MID1: variants seen among roughly 807,000 people sequenced by gnomAD.
MID1 encodes the protein midline 1.
MID1 carries 7 observed loss-of-function variants against 40.4 expected under a neutral mutation model. The ratio of observed to expected loss-of-function variants is 0.17; its 90% CI spans 0.10 to 0.33. The LOEUF is 0.33. Ranked by LOEUF, MID1 falls within the 10% of genes least tolerant of loss-of-function variation. The probability of loss-of-function intolerance (pLI) is 1.00; values close to 1 mark genes in which losing one functional copy is unlikely to be tolerated. For synonymous variants in MID1, 229 were observed against 221.2 expected, an observed-to-expected ratio of 1.04 and a Z score of -0.31; for missense variants, 367 against 558.5, an observed-to-expected ratio of 0.66 and a Z score of 3.46.
intron 1 of MID1, among the ~76,000 whole-genome samples, chrX:10,810,678 C>G (rs1184150464): frequency 9.9e-6 from 1 of 101,336 alleles, no homozygotes; most frequent in Non-Finnish European, 2.0e-5. Context: ...ATGTCCTCAC[C>G]AACGCTTGTT....
At chrX:10,471,524 G>T (rs1181715887) in intron 6 of MID1, among the ~76,000 whole-genome samples, 3 of 112,139 alleles carry the variant, frequency 2.7e-5, no homozygotes, top group Non-Finnish European at 3.8e-5. Flanking sequence ...ATTCTTTCTG[G>T]AATATGTATT....
chrX:10,715,103 C>G (rs995088336), intron 1 of MID1, among the ~76,000 whole-genome samples: 4 of 112,033 alleles, frequency 3.6e-5, no homozygotes, highest in Non-Finnish European at 5.6e-5. Flanking sequence ...CTCCAGTCTA[C>G]AGCTCCCAGC....
At chrX:10,622,327 T>C (rs1243974521), upstream of MID1, among the ~76,000 whole-genome samples, 2 of 111,419 alleles carry the variant, frequency 1.8e-5, no homozygotes, top group Non-Finnish European at 3.8e-5. Context: ...CAGTAGAAGC[T>C]ACAACTGCGT....
At chrX:10,648,229 G>A (rs955617383) in intron 1 of MID1, among the ~76,000 whole-genome samples, 1 of 112,018 alleles carries the variant, frequency 8.9e-6, no homozygotes, top group Non-Finnish European at 1.9e-5. Flanking sequence ...GAGGATGGCA[G>A]AGTGGAAAAC....
At chrX:10,698,766 C>T (rs2043177281) in intron 1 of MID1, among the ~76,000 whole-genome samples, 1 of 109,772 alleles carries the variant, frequency 9.1e-6, no homozygotes, top group Admixed American at 9.7e-5. Context: ...TTTCCTCCTT[C>T]CTCCTTCCCC....
At chrX:10,668,284 C>T (rs2042962963) in intron 1 of MID1, among the ~76,000 whole-genome samples, 1 of 111,884 alleles carries the variant, frequency 8.9e-6, no homozygotes, top group African/African-American at 3.2e-5. Context: ...TTATTCATGT[C>T]GTTCTAATAC....
intron 1 of MID1, among the ~76,000 whole-genome samples, chrX:10,754,523 G>C (rs951656405): frequency 3.6e-5 from 4 of 110,635 alleles, no homozygotes; most frequent in Non-Finnish European, 7.6e-5. Context: ...TTTTCTATTT[G>C]AATTTTATCT....
intron 4 of MID1, among the ~76,000 whole-genome samples, chrX:10,494,371 T>C (rs995738481): frequency 5.4e-5 from 6 of 111,924 alleles, no homozygotes; most frequent in African/African-American, 1.9e-4. Flanking sequence ...TATGTTTTAA[T>C]TATATATATT....
intron 1 of MID1, among the ~76,000 whole-genome samples, chrX:10,797,206 C>T (rs763232365): frequency 9.0e-6 from 1 of 111,282 alleles, no homozygotes; most frequent in East Asian, 2.8e-4. Context: ...CTTTTATTTT[C>T]AGATGTAAAA....
chrX:10,632,749 G>A (rs1936066353), intron 1 of MID1, among the ~76,000 whole-genome samples: 1 of 111,256 alleles, frequency 9.0e-6, no homozygotes, highest in African/African-American at 3.3e-5. Context: ...TCCAGCCCAA[G>A]CCTGCCCACC....
chrX:10,508,760 T>C (rs1352664449), intron 3 of MID1, among the ~76,000 whole-genome samples: 2 of 111,629 alleles, frequency 1.8e-5, no homozygotes, highest in African/African-American at 3.3e-5. Flanking sequence ...TGGGCATGCA[T>C]CTTGAATTGG....
intron 1 of MID1, among the ~76,000 whole-genome samples, chrX:10,684,473 C>T (rs2043080655): frequency 9.5e-6 from 1 of 105,256 alleles, no homozygotes; most frequent in Non-Finnish European, 2.0e-5. Context: ...GCGTGATCTC[C>T]GCTCACTGCA....
intron 3 of MID1, among the ~76,000 whole-genome samples, chrX:10,509,135 G>T (rs976697174): frequency 1.8e-5 from 2 of 111,477 alleles, no homozygotes; most frequent in Non-Finnish European, 3.8e-5. Flanking sequence ...TACAATAGGG[G>T]CTTTGACAAA....
intron 2 of MID1, 151 bp from the exon 3 acceptor site, chrX:10,523,338 A>C: frequency 2.1e-6 from 1 of 470,191 alleles, no homozygotes; most frequent in Non-Finnish European, 3.6e-6. Flanking sequence ...ATAGATTTAA[A>C]CTGGATTTTC....
intron 1 of MID1, among the ~76,000 whole-genome samples, chrX:10,778,403 T>C (rs1211725558): frequency 8.9e-6 from 1 of 111,799 alleles, no homozygotes; most frequent in Non-Finnish European, 1.9e-5. Context: ...AATAAATATC[T>C]GTTTGTTTAT....
intron 1 of MID1, among the ~76,000 whole-genome samples, chrX:10,728,850 T>C (rs1209009142): frequency 8.9e-6 from 1 of 112,206 alleles, no homozygotes; most frequent in East Asian, 2.8e-4. Flanking sequence ...ACTGTTTCTT[T>C]ATGCATTGCG....
rs375888571 is a variant in MID1 at position 10,469,681 on chromosome X, G to A, written c.1285+16C>T. 5 of 1,209,725 alleles carry A rather than the reference G, an allele frequency of 4.1e-6. No homozygotes were observed. The African/African-American group carries it at 8.7e-5, about 21-fold the overall frequency. On this transcript the variant is annotated intron_variant, in intron 7 of 9. Transcript: ENST00000317552. The stretch of plus-strand genomic sequence containing the variant: ...AGCCACCAAAGACAGAAATAAATAG[G>A]CCATGAGATACTCACTAACGACGTT...
At chrX:10,654,588 G>A (rs1183982629) in intron 1 of MID1, among the ~76,000 whole-genome samples, 1 of 111,869 alleles carries the variant, frequency 8.9e-6, no homozygotes, top group Non-Finnish European at 1.9e-5. Context: ...CCGCTGATCT[G>A]ACAAGAGAGA....
chrX:10,768,857 G>A (rs192152864), intron 1 of MID1, among the ~76,000 whole-genome samples: 1 of 111,001 alleles, frequency 9.0e-6, no homozygotes, highest in Non-Finnish European at 1.9e-5. Context: ...ATATAACAAC[G>A]GCTCCAAACC....
Sources: allele counts gnomAD v4.1 joint callset (sites outside exome capture counted in the v4.1 genomes callset), GRCh38; gene constraint gnomAD v4.1.1; transcripts MANE v1.5; gene names NCBI Gene and HGNC (gene_info 2026-07-23, HGNC 2026-07-21).